Variants in CDH13 observed in about 807,000 individuals in gnomAD.
CDH13 encodes the protein cadherin 13, also known as cadherin-13.
CDH13 carries 24 observed loss-of-function variants against 63.8 expected under a neutral mutation model. That is an observed-to-expected ratio of 0.38 (90% CI 0.27 to 0.53). CDH13 has a LOEUF of 0.53. CDH13 is among the 20% of genes least tolerant of loss of function. The pLI, the probability that CDH13 is intolerant of heterozygous loss-of-function variation, is 0.85. For synonymous variants in CDH13, 503 were observed against 355.3 expected (o/e 1.42, Z -4.67); for missense variants, 1,049 against 903.1 (o/e 1.16, Z -2.07).
At chr16:83,095,355 A>G (rs1432089925) in intron 3 of CDH13, among the ~76,000 whole-genome samples, 1 of 152,200 alleles carries the variant, frequency 6.6e-6, no homozygotes, top group Non-Finnish European at 1.5e-5. Context: ...AAGATAAATA[A>G]AACAACAAAA....
intron 4 of CDH13, among the ~76,000 whole-genome samples, chr16:83,210,406 G>T (rs911349717): frequency 6.6e-6 from 1 of 152,076 alleles, no homozygotes; most frequent in Non-Finnish European, 1.5e-5. Flanking sequence ...GTCAGATGTG[G>T]GTTTGCATTT....
intron 7 of CDH13, among the ~76,000 whole-genome samples, chr16:83,525,917 TC>T (rs2074949323): frequency 6.6e-6 from 1 of 152,118 alleles, no homozygotes; most frequent in Non-Finnish European, 1.5e-5. Flanking sequence ...ACATGGGCAG[TC>T]CCAAGAAGCT....
intron 5 of CDH13, among the ~76,000 whole-genome samples, chr16:83,250,586 A>C (rs1339161915): frequency 1.3e-5 from 2 of 152,160 alleles, no homozygotes; most frequent in Non-Finnish European, 2.9e-5. Context: ...CACCCAGTCG[A>C]GGGAACAGTT....
intron 1 of CDH13, among the ~76,000 whole-genome samples, chr16:82,685,282 G>T (rs995798109): frequency 3.3e-5 from 5 of 152,196 alleles, no homozygotes. Flanking sequence ...TTAGTGTCTG[G>T]TGAGGTCCCG....
chr16:83,720,276 C>T (rs943185672), intron 10 of CDH13, among the ~76,000 whole-genome samples: 2 of 152,028 alleles, frequency 1.3e-5, no homozygotes, highest in African/African-American at 4.8e-5. Flanking sequence ...CCCACATCTG[C>T]ACCCACATGC....
At chr16:82,789,605 C>A (rs980447435) in intron 1 of CDH13, among the ~76,000 whole-genome samples, 1 of 152,186 alleles carries the variant, frequency 6.6e-6, no homozygotes, top group Non-Finnish European at 1.5e-5. Context: ...AATGGGAGGT[C>A]CATTGGGCAG....
At chr16:82,858,662 G>T (rs759547095) in intron 2 of CDH13, 189 bp downstream of exon 2, 2 of 626,886 alleles carry the variant, frequency 3.2e-6, no homozygotes, top group South Asian at 1.9e-5. Flanking sequence ...TTAATAGAGT[G>T]ATATGCATCT....
rs1037776640 is a variant in CDH13 at position 83,578,746 on chromosome 16, T to A, written c.961-23708T>A. Reference sequence around the variant, plus strand: ...AGATTGGCACAATTCAGAGCAATAGTTAGCACAATAGGAGAGACTACTGGA... The same window carrying A: ...AGATTGGCACAATTCAGAGCAATAGATAGCACAATAGGAGAGACTACTGGA... On this transcript the variant is annotated intron_variant, in intron 7 of 13. Transcript: ENST00000567109. Among the ~76,000 whole-genome samples the A allele has an allele frequency of 7.9e-5, 12 of 152,176 alleles. No individual in the cohort carries two copies. The South Asian group carries it at 8.3e-4, about 10-fold the overall frequency.
At chr16:82,688,621 CT>C (rs1392671771) in intron 1 of CDH13, among the ~76,000 whole-genome samples, 1 of 152,130 alleles carries the variant, frequency 6.6e-6, no homozygotes, top group Non-Finnish European at 1.5e-5. Flanking sequence ...TGACATGCTT[CT>C]TTTGAACCAT....
intron 2 of CDH13, among the ~76,000 whole-genome samples, chr16:82,943,757 A>G (rs538767416): frequency 1.3e-5 from 2 of 152,354 alleles, no homozygotes; most frequent in African/African-American, 4.8e-5. Flanking sequence ...GCTGCAATCA[A>G]TTACACAGAT....
chr16:82,896,276 A>ATTTTTTTTTTTTTTTTTTTTTTTTT lies in CDH13; in HGVS notation c.157+37812_157+37836dup, dbSNP rs59677448. Among the ~76,000 whole-genome samples the ATTTTTTTTTTTTTTTTTTTTTTTTT allele has an allele frequency of 2.3e-4, 20 of 87,868 alleles. 3 individuals carry two copies. Among genetic ancestry groups the ATTTTTTTTTTTTTTTTTTTTTTTTT allele is most frequent in the East Asian group, 1.4e-3 (2 of 1,432 alleles). The allele number at this position is 87,868 out of a possible 152,430, so 57.6% of individuals were successfully genotyped here. ...GAGTCTTCTGAGAACTAGGATTAGG[A>ATTTTTTTTTTTTTTTTTTTTTTTTT]TTTTTTTTTTTTTTTTTTTTTTTTT... On this transcript the variant is annotated intron_variant, in intron 2 of 13. Coordinates refer to ENST00000567109, the MANE Select transcript of CDH13 (RefSeq NM_001257.5).
At position 83,773,543 on chromosome 16, in the gene CDH13, C is replaced by T. The variant is rs149353586; in HGVS notation, c.1682-6425C>T. On this transcript the variant is annotated intron_variant, in intron 11 of 13. Transcript: ENST00000567109. ...GAGAACTCACTCACTATCAAGAGAA[C>T]AGCATGGGGGAAACCACCCCCATGA... Among the ~76,000 whole-genome samples, 21 of 152,262 alleles carry T rather than the reference C, an allele frequency of 1.4e-4. 1 individual carries two copies. Among genetic ancestry groups the T allele is most frequent in the Admixed American group, 1.4e-3 (21 of 15,298 alleles).
At chr16:83,139,584 A>G (rs2036443217) in intron 4 of CDH13, among the ~76,000 whole-genome samples, 1 of 152,236 alleles carries the variant, frequency 6.6e-6, no homozygotes, top group Non-Finnish European at 1.5e-5. Context: ...TCTGGAAATC[A>G]TTCCTAACAT....
At chr16:82,636,036 C>G (rs1191092688) in intron 1 of CDH13, among the ~76,000 whole-genome samples, 1 of 152,098 alleles carries the variant, frequency 6.6e-6, no homozygotes, top group African/African-American at 2.4e-5. Context: ...GACCTCCTGT[C>G]TTTATAAATT....
intron 1 of CDH13, among the ~76,000 whole-genome samples, chr16:82,763,447 A>G (rs1391750085): frequency 6.6e-6 from 1 of 152,222 alleles, no homozygotes; most frequent in African/African-American, 2.4e-5. Flanking sequence ...AGCACCTGTG[A>G]CATAGTGAAC....
chr16:83,486,554 C>T lies in CDH13; in HGVS notation c.859C>T (p.Arg287Cys), dbSNP rs376202554. ...TAATGCCCTCCTGCGGTATAATATC[C>T]GTCAGCAGACGCCTGACAAGCCATC... Reference protein sequence around the residue: ...TDNALLRYNIRQQTPDKPSPN... With the variant: ...TDNALLRYNICQQTPDKPSPN... The change falls in exon 7 of 14, where the codon CGT (arginine) becomes TGT (cysteine). Residue 287 changes from arginine (R) to cysteine (C), a missense_variant. Physicochemically the swap from Arg to Cys is radical, Grantham distance 180. Coordinates refer to ENST00000567109, the MANE Select transcript of CDH13 (RefSeq NM_001257.5). The T allele has an allele frequency of 6.8e-6, 11 of 1,613,792 alleles. 1 individual carries two copies. The highest frequency in any genetic ancestry group is 6.6e-5 in the South Asian group (6 of 91,080).
At chr16:83,160,908 C>A (rs1311685852) in intron 4 of CDH13, among the ~76,000 whole-genome samples, 5 of 152,200 alleles carry the variant, frequency 3.3e-5, no homozygotes, top group Non-Finnish European at 7.3e-5. Context: ...CTCCAGTACA[C>A]ATTTTTCCGT....
intron 10 of CDH13, among the ~76,000 whole-genome samples, chr16:83,707,879 TGAG>T (rs1907371059): frequency 7.2e-6 from 1 of 139,078 alleles, no homozygotes; most frequent in South Asian, 2.2e-4. Context: ...AGTTGAATTT[TGAG>T]GAGAAGGCAA....
chr16:83,744,307 A>T (rs1256963563), intron 10 of CDH13, among the ~76,000 whole-genome samples: 1 of 152,214 alleles, frequency 6.6e-6, no homozygotes, highest in Non-Finnish European at 1.5e-5. Context: ...TGGGAAAGTC[A>T]CACTGGATGA....
Sources: gnomAD v4.1 joint callset for allele counts (sites outside exome capture counted in the v4.1 genomes callset) on GRCh38, gnomAD v4.1.1 for gene constraint, MANE v1.5 for transcripts, NCBI Gene and HGNC (gene_info 2026-07-23, HGNC 2026-07-21) for gene names.